The following TRPM8 variants were observed in gnomAD, a reference collection of about 807,000 sequenced individuals.
TRPM8 encodes the protein TRPM8 cationic channel.
TRPM8 carries 110 observed loss-of-function variants against 133.7 expected under a neutral mutation model. The ratio of observed to expected loss-of-function variants is 0.82; its 90% CI spans 0.70 to 0.96. The LOEUF is 0.96. Ranked by LOEUF, TRPM8 falls within the 40% of genes least tolerant of loss-of-function variation. TRPM8 has a pLI of 0.00. For missense variants in TRPM8, 1,291 were observed against 1,379.5 expected (o/e 0.94, Z 1.02); for synonymous variants, 535 against 532.3 (o/e 1.01, Z -0.07).
chr2:233,966,293 T>C (rs1189323808), intron 14 of TRPM8, among the ~76,000 whole-genome samples: 1 of 152,030 alleles, frequency 6.6e-6, no homozygotes, highest in East Asian at 1.9e-4. Flanking sequence ...CCCTTCTCAG[T>C]GGCTGAGGCT....
At chr2:233,945,237 C>G (rs191237091) in intron 6 of TRPM8, among the ~76,000 whole-genome samples, 1 of 152,134 alleles carries the variant, frequency 6.6e-6, no homozygotes, top group South Asian at 2.1e-4. Context: ...GAGTGAGGAA[C>G]CTTTTTGGTA....
intron 13 of TRPM8, among the ~76,000 whole-genome samples, 197 bp from the exon 14 acceptor site, chr2:233,964,431 A>G (rs1021649280): frequency 6.6e-6 from 1 of 151,826 alleles, no homozygotes; most frequent in African/African-American, 2.4e-5. Flanking sequence ...GGGTGCCTAT[A>G]ATCCCAACTA....
At chr2:233,918,701 T>C (rs1327488961) in intron 1 of TRPM8, among the ~76,000 whole-genome samples, 1 of 152,184 alleles carries the variant, frequency 6.6e-6, no homozygotes, top group African/African-American at 2.4e-5. Context: ...AAAAACAGGA[T>C]AATGCCTACA....
At chr2:234,009,088 C>T (rs10490018) in intron 24 of TRPM8, among the ~76,000 whole-genome samples, 39,267 of 151,860 alleles carry the variant, frequency 0.26, 5,727 homozygotes, top group East Asian at 0.47. Flanking sequence ...TGCCTCTTTA[C>T]AGAGCTGGAT....
chr2:233,963,733 G>A (rs1340979484), intron 13 of TRPM8, among the ~76,000 whole-genome samples: 2 of 152,230 alleles, frequency 1.3e-5, no homozygotes, highest in Non-Finnish European at 2.9e-5. Context: ...GCTTTGGAAA[G>A]TTTATGGAGA....
chr2:233,975,751 G>A (rs143205470), intron 17 of TRPM8, among the ~76,000 whole-genome samples: 7 of 152,256 alleles, frequency 4.6e-5, no homozygotes, highest in African/African-American at 1.2e-4. Flanking sequence ...GCATGGTGGC[G>A]CGTGCCTGTA....
intron 8 of TRPM8, among the ~76,000 whole-genome samples, chr2:233,949,543 A>G (rs1380231256): frequency 6.6e-6 from 1 of 152,276 alleles, no homozygotes; most frequent in East Asian, 1.9e-4. Flanking sequence ...CCTCAAAAGT[A>G]TGAGTATTGG....
intron 13 of TRPM8, among the ~76,000 whole-genome samples, chr2:233,964,149 T>A (rs1691504416): frequency 1.3e-5 from 2 of 152,232 alleles, no homozygotes; most frequent in South Asian, 4.1e-4. Context: ...TTGCACGTGT[T>A]GACCATATTC....
intron 21 of TRPM8, among the ~76,000 whole-genome samples, chr2:233,990,851 T>A (rs1409441339): frequency 6.6e-6 from 1 of 151,798 alleles, no homozygotes; most frequent in Non-Finnish European, 1.5e-5. Flanking sequence ...ACGTAAGGAG[T>A]GGGAGGCAGA....
intron 20 of TRPM8, among the ~76,000 whole-genome samples, chr2:233,984,301 G>T (rs764314123): frequency 1.3e-5 from 2 of 152,154 alleles, no homozygotes; most frequent in Non-Finnish European, 2.9e-5. Flanking sequence ...CTGGCACGGA[G>T]CAGCTCTCAG....
chr2:233,964,789 C>T (rs201622980), intron 14 of TRPM8, 32 bp downstream of exon 14: 16 of 1,571,540 alleles, frequency 1.0e-5, no homozygotes, highest in East Asian at 4.5e-5. Context: ...CTGTGGTGGG[C>T]GCGGATCTGC....
chr2:233,968,001 C>G (rs965964971), intron 15 of TRPM8, among the ~76,000 whole-genome samples: 1 of 152,110 alleles, frequency 6.6e-6, no homozygotes, highest in African/African-American at 2.4e-5. Flanking sequence ...TACCAGGCCA[C>G]AGGATCACCC....
intron 10 of TRPM8, 120 bp downstream of exon 10, chr2:233,954,139 TG>T (rs1691235648): frequency 3.2e-6 from 2 of 626,016 alleles, no homozygotes; most frequent in Non-Finnish European, 2.7e-6. Context: ...TTAATTTTGA[TG>T]ATCCTAGATT....
At chr2:233,938,522 T>TA (rs1403356603) in intron 4 of TRPM8, among the ~76,000 whole-genome samples, 3 of 152,190 alleles carry the variant, frequency 2.0e-5, no homozygotes, top group Admixed American at 2.0e-4. Context: ...CATGAGACAT[T>TA]AATCAACATA....
At chr2:233,956,472 C>T (rs1309139030) in intron 11 of TRPM8, among the ~76,000 whole-genome samples, 2 of 152,112 alleles carry the variant, frequency 1.3e-5, no homozygotes, top group Non-Finnish European at 2.9e-5. Flanking sequence ...TATTATAAAC[C>T]ATCACACTCA....
chr2:233,984,142 T>C (rs1574760504), intron 20 of TRPM8, among the ~76,000 whole-genome samples: 1 of 152,198 alleles, frequency 6.6e-6, no homozygotes, highest in African/African-American at 2.4e-5. Context: ...GGGGTTCAGA[T>C]CCAGGGTAGC....
chr2:234,009,538 C>A (rs1000280862), intron 24 of TRPM8, among the ~76,000 whole-genome samples: 1 of 152,092 alleles, frequency 6.6e-6, no homozygotes, highest in African/African-American at 2.4e-5. Flanking sequence ...GGATACAGGA[C>A]CAGCTGACCT....
rs1693007335 is a variant in TRPM8, at chr2:234,018,321, G to A, written c.*1065G>A. 2 of 151,828 alleles carry A rather than the reference G, an allele frequency of 1.3e-5. No individual in the cohort carries two copies. Among genetic ancestry groups the A allele is most frequent in the South Asian group, 4.1e-4 (2 of 4,822 alleles). 9.4% of individuals were successfully genotyped at this position (151,828 alleles called of 1,614,324 possible). ...ATTACCATAATTTTGCTCATTGAAG[G>A]CTATCTCCAGTTGATCATTGGGATG... On this transcript the variant is annotated 3_prime_UTR_variant, in exon 26 of 26. Coordinates refer to ENST00000324695, the MANE Select transcript of TRPM8 (RefSeq NM_024080.5).
chr2:233,985,099 T>C (rs1406044614), intron 20 of TRPM8, among the ~76,000 whole-genome samples: 5 of 143,476 alleles, frequency 3.5e-5, no homozygotes, highest in Non-Finnish European at 6.1e-5. Flanking sequence ...AAAAAAAAGA[T>C]GTAAAAAATT....
Sources: gnomAD v4.1 joint callset for allele counts (sites outside exome capture counted in the v4.1 genomes callset) on GRCh38, gnomAD v4.1.1 for gene constraint, MANE v1.5 for transcripts, NCBI Gene and HGNC (gene_info 2026-07-23, HGNC 2026-07-21) for gene names.